Variants in ATP8A1 observed in about 807,000 individuals in gnomAD.
ATP8A1 encodes ATPase phospholipid transporting 8A1, also known as phospholipid-transporting ATPase IA.
A neutral mutation model predicts 177.7 loss-of-function variants in ATP8A1; 90 were observed. That is an observed-to-expected ratio of 0.51 (90% CI 0.43 to 0.60). ATP8A1 has a LOEUF of 0.60. Ranked by LOEUF, ATP8A1 falls within the 20% of genes least tolerant of loss-of-function variation. The probability of loss-of-function intolerance (pLI) is 0.00; values close to 1 mark genes in which losing one functional copy is unlikely to be tolerated. For missense variants in ATP8A1, 1,072 were observed against 1,392.8 expected, an observed-to-expected ratio of 0.77 and a Z score of 3.67; for synonymous variants, 493 against 485.9, an observed-to-expected ratio of 1.01 and a Z score of -0.19.
chr4:42,518,740 A>G (rs908532707), intron 22 of ATP8A1, among the ~76,000 whole-genome samples: 7 of 152,236 alleles, frequency 4.6e-5, no homozygotes, highest in Non-Finnish European at 7.3e-5. Context: ...CACATAAAAA[A>G]TAGATTGCAT....
intron 20 of ATP8A1, among the ~76,000 whole-genome samples, chr4:42,535,228 T>C (rs914031393): frequency 6.6e-6 from 1 of 152,110 alleles, no homozygotes; most frequent in Non-Finnish European, 1.5e-5. Flanking sequence ...GAGACTTACC[T>C]GACATATTAG....
At chr4:42,505,055 T>C (rs1724234271) in intron 23 of ATP8A1, among the ~76,000 whole-genome samples, 2 of 152,368 alleles carry the variant, frequency 1.3e-5, no homozygotes, top group Non-Finnish European at 2.9e-5. Context: ...TGCCCTGTGT[T>C]TCCCTCCCAT....
intron 33 of ATP8A1, among the ~76,000 whole-genome samples, chr4:42,440,774 CCA>C (rs1190256853): frequency 6.6e-6 from 1 of 152,160 alleles, no homozygotes; most frequent in Non-Finnish European, 1.5e-5. Context: ...CCCTTTAGAA[CCA>C]CACAGTGTCT....
rs535569158 is a variant in ATP8A1, at chr4:42,606,797, G to C, written c.410-6279C>G. Among the ~76,000 whole-genome samples, 3 of 152,304 alleles carry C rather than the reference G, an allele frequency of 2.0e-5. No individual in the cohort carries two copies. In the South Asian group the frequency reaches 6.2e-4, roughly 32 times the overall value. On this transcript the variant is annotated intron_variant, in intron 5 of 36. Coordinates refer to ENST00000381668, the MANE Select transcript of ATP8A1 (RefSeq NM_006095.2). Reference sequence around the variant, plus strand: ...TCACATGATTGTACCCTGTAAGAGAGAATGCCCCAGAGAACATTGCTGACT... The same window carrying C: ...TCACATGATTGTACCCTGTAAGAGACAATGCCCCAGAGAACATTGCTGACT...
intron 33 of ATP8A1, among the ~76,000 whole-genome samples, chr4:42,440,715 T>C (rs1007037333): frequency 2.6e-5 from 4 of 152,188 alleles, no homozygotes; most frequent in African/African-American, 9.7e-5. Flanking sequence ...GTGTTATTCT[T>C]CCCAGATCTT....
chr4:42,641,708 T>C (rs1740012977), intron 1 of ATP8A1, among the ~76,000 whole-genome samples: 1 of 152,198 alleles, frequency 6.6e-6, no homozygotes, highest in African/African-American at 2.4e-5. Flanking sequence ...GAGCTAGGCC[T>C]TAAAAAGTAC....
rs369861956 is a variant in ATP8A1 at position 42,616,019 on chromosome 4, T to G, written c.409+14A>C. ...GTTTGACAAATATGAGAAAAAAGCA[T>G]GTAAAATTCCTACCTTGCGTTTGTT... On this transcript the variant is annotated intron_variant, in intron 5 of 36. Transcript: ENST00000381668. The G allele has an allele frequency of 6.2e-7, 1 of 1,609,784 alleles. No homozygotes were observed. Among genetic ancestry groups the G allele is most frequent in the South Asian group, 1.1e-5 (1 of 90,134 alleles).
chr4:42,496,837 C>T (rs1413752875), intron 24 of ATP8A1, among the ~76,000 whole-genome samples: 2 of 151,408 alleles, frequency 1.3e-5, no homozygotes, highest in Admixed American at 6.6e-5. Flanking sequence ...CATATATATA[C>T]ACACACACAC....
chr4:42,621,797 C>A (rs1333880063), intron 4 of ATP8A1, among the ~76,000 whole-genome samples: 1 of 152,108 alleles, frequency 6.6e-6, no homozygotes, highest in African/African-American at 2.4e-5. Context: ...AAGAACAAAG[C>A]TGGAGGTATC....
rs189130759 is a variant in ATP8A1, at chr4:42,605,858, A to G, written c.410-5340T>C. 7.9e-5 allele frequency among the ~76,000 whole-genome samples: 12 copies of G among 152,346 alleles called. No homozygotes were observed. In the East Asian group the frequency reaches 2.3e-3, roughly 29 times the overall value. ...AATGTACACATCTAAGAAACTTTTA[A>G]ATACATATTCAATGTTTTCTACCAA... On this transcript the variant is annotated intron_variant, in intron 5 of 36. Transcript: ENST00000381668.
At chr4:42,559,529 C>T (rs1408298341) in intron 15 of ATP8A1, among the ~76,000 whole-genome samples, 1 of 152,114 alleles carries the variant, frequency 6.6e-6, no homozygotes, top group Non-Finnish European at 1.5e-5. Flanking sequence ...TTGGTGAGAA[C>T]ATAAACTATA....
Position 42,464,710 on chromosome 4 carries a change from T to A in ATP8A1, c.2599A>T (p.Ile867Leu). ...KCILYCFYKN[I>L]VLYIIEIWFA... ...ATTACCTCGATAATATAGAGCACTA[T>A]ATTCTTGTAGAAGCAGTATAAGATG... Residue 867 changes from isoleucine to leucine, a missense_variant, in exon 27 of 37, where the codon ATA becomes TTA. This residue lies in a region of ATP8A1 where 316 missense variants were observed against 459.1 expected (regional missense o/e 0.69). Coordinates refer to ENST00000381668, the MANE Select transcript of ATP8A1 (RefSeq NM_006095.2). 6.2e-7 allele frequency: 1 copy of A among 1,607,540 alleles called. No homozygotes were observed. Among genetic ancestry groups the A allele is most frequent in the Non-Finnish European group, 8.5e-7 (1 of 1,174,486 alleles).
chr4:42,549,657 C>T (rs555999659), intron 18 of ATP8A1, among the ~76,000 whole-genome samples: 4 of 151,702 alleles, frequency 2.6e-5, no homozygotes, highest in South Asian at 2.1e-4. Context: ...ATATCAGGTG[C>T]GGTGGCACAT....
intron 4 of ATP8A1, among the ~76,000 whole-genome samples, chr4:42,620,528 A>G (rs556015382): frequency 6.6e-4 from 101 of 152,370 alleles, no homozygotes; most frequent in Non-Finnish European, 1.2e-3. Context: ...TAGAGAGATT[A>G]TAGCTTTGCC....
intron 22 of ATP8A1, among the ~76,000 whole-genome samples, chr4:42,513,205 C>T (rs1178430661): frequency 5.9e-5 from 9 of 152,272 alleles, no homozygotes; most frequent in Admixed American, 5.2e-4. Context: ...GCCTTAGACC[C>T]TCAGGTACCA....
chr4:42,582,780 G>T (rs1156613696), intron 9 of ATP8A1, among the ~76,000 whole-genome samples: 1 of 152,042 alleles, frequency 6.6e-6, no homozygotes, highest in East Asian at 1.9e-4. Flanking sequence ...CATGAATAAG[G>T]TCCCAGTTGG....
intron 5 of ATP8A1, among the ~76,000 whole-genome samples, chr4:42,605,870 A>T (rs1186692251): frequency 6.6e-6 from 1 of 152,188 alleles, no homozygotes; most frequent in Non-Finnish European, 1.5e-5. Flanking sequence ...TACATATTCA[A>T]TGTTTTCTAC....
chr4:42,427,962 ATAAAT>A (rs1364511367), intron 33 of ATP8A1, among the ~76,000 whole-genome samples: 1 of 152,346 alleles, frequency 6.6e-6, no homozygotes, highest in East Asian at 1.9e-4. Context: ...GTGGGTTGTT[ATAAAT>A]AACAAAATAC....
chr4:42,429,156 T>C (rs1178078847), intron 33 of ATP8A1, among the ~76,000 whole-genome samples: 4 of 152,220 alleles, frequency 2.6e-5, no homozygotes, highest in South Asian at 2.1e-4. Flanking sequence ...TGCTCTGACA[T>C]GGAGTTATTC....
Sources: gnomAD v4.1 joint callset for allele counts (sites outside exome capture counted in the v4.1 genomes callset) on GRCh38, gnomAD v4.1.1 for gene constraint, gnomAD v4.1.1 regional missense constraint, MANE v1.5 for transcripts, NCBI Gene and HGNC (gene_info 2026-07-23, HGNC 2026-07-21) for gene names.